Variants in UNC5C observed in about 807,000 individuals in gnomAD.
UNC5C encodes the protein netrin receptor UNC5C.
In UNC5C, 47 loss-of-function variants were observed where a neutral mutation model predicts 99.8. That is an observed-to-expected ratio of 0.47 (90% CI 0.37 to 0.60). UNC5C has a LOEUF of 0.60. Among genes scored for constraint, UNC5C ranks in the 20% least tolerant of loss-of-function variants. The pLI, the probability that UNC5C is intolerant of heterozygous loss-of-function variation, is 0.00. For synonymous variants in UNC5C, 487 were observed against 452.2 expected (o/e 1.08, Z -0.98); for missense variants, 1,062 against 1,165.9 (o/e 0.91, Z 1.30).
At chr4:95,276,473 A>G (rs1045188299) in intron 4 of UNC5C, among the ~76,000 whole-genome samples, 16 of 152,164 alleles carry the variant, frequency 1.1e-4, no homozygotes, top group Admixed American at 7.2e-4. Flanking sequence ...GACTGAAAAA[A>G]ATGAAGAAAT....
intron 1 of UNC5C, among the ~76,000 whole-genome samples, chr4:95,414,477 G>A (rs1746101246): frequency 6.6e-6 from 1 of 152,142 alleles, no homozygotes; most frequent in Admixed American, 6.5e-5. Context: ...GCAATGGGAG[G>A]TCTTACCTGA....
intron 14 of UNC5C, among the ~76,000 whole-genome samples, chr4:95,171,006 T>C (rs909157422): frequency 6.6e-6 from 1 of 152,230 alleles, no homozygotes; most frequent in African/African-American, 2.4e-5. Context: ...AATCTAATTT[T>C]AGTAGAGAAA....
chr4:95,448,980 C>T (rs1018511494), intron 1 of UNC5C, among the ~76,000 whole-genome samples: 3 of 152,210 alleles, frequency 2.0e-5, no homozygotes, highest in South Asian at 4.2e-4. Context: ...TCCAAGGCTA[C>T]GCCAGGTAAG....
chr4:95,525,873 C>A (rs543985345), intron 1 of UNC5C, among the ~76,000 whole-genome samples: 2 of 152,076 alleles, frequency 1.3e-5, no homozygotes, highest in African/African-American at 4.8e-5. Flanking sequence ...GTCTTGTTCC[C>A]GGTTTAACAA....
rs111321961 is a variant in UNC5C, at chr4:95,331,841, T to C, written c.346+3569A>G. On this transcript the variant is annotated intron_variant, in intron 2 of 15. Coordinates refer to ENST00000453304, the MANE Select transcript of UNC5C (RefSeq NM_003728.4). ...ACATAGCATGAAATTGTTATAAGCG[T>C]TCGATATTAGAATAGTTTCATTTCT... Among the ~76,000 whole-genome samples the C allele has an allele frequency of 3.4e-3, 512 of 152,184 alleles. 4 individuals are homozygous for C. The highest frequency in any genetic ancestry group is 0.012 in the African/African-American group (479 of 41,550).
At chr4:95,437,284 G>A (rs777170516) in intron 1 of UNC5C, among the ~76,000 whole-genome samples, 74 of 151,654 alleles carry the variant, frequency 4.9e-4, no homozygotes, top group South Asian at 8.3e-4. Flanking sequence ...AGATAGTCCT[G>A]AATATTGAAT....
At chr4:95,199,346 A>ATGT (rs1737560641) in intron 12 of UNC5C, among the ~76,000 whole-genome samples, 1 of 152,164 alleles carries the variant, frequency 6.6e-6, no homozygotes, top group African/African-American at 2.4e-5. Flanking sequence ...TCTCTTCGGT[A>ATGT]TGTTGGAGAG....
intron 4 of UNC5C, among the ~76,000 whole-genome samples, chr4:95,266,230 TC>T (rs1740442520): frequency 6.6e-6 from 1 of 152,172 alleles, no homozygotes; most frequent in South Asian, 2.1e-4. Context: ...ACAGCCTCAA[TC>T]CCTGCTAGTG....
chr4:95,237,951 A>G (rs1041745518), intron 7 of UNC5C, among the ~76,000 whole-genome samples: 1 of 152,140 alleles, frequency 6.6e-6, no homozygotes, highest in Admixed American at 6.5e-5. Flanking sequence ...CTGAGGCAGG[A>G]GAATCACTTG....
At chr4:95,202,188 C>T (rs1220543643) in intron 12 of UNC5C, among the ~76,000 whole-genome samples, 1 of 152,158 alleles carries the variant, frequency 6.6e-6, no homozygotes, top group Non-Finnish European at 1.5e-5. Flanking sequence ...ATCATAAGTT[C>T]TTCAAAGGCA....
intron 15 of UNC5C, 102 bp downstream of exon 15, chr4:95,170,052 T>C: frequency 7.0e-7 from 1 of 1,435,570 alleles, no homozygotes; most frequent in Non-Finnish European, 9.4e-7. Flanking sequence ...TAAATAGATG[T>C]GTGGATGGAA....
chr4:95,459,787 T>C (rs116500341), intron 1 of UNC5C, among the ~76,000 whole-genome samples: 1 of 152,154 alleles, frequency 6.6e-6, no homozygotes, highest in African/African-American at 2.4e-5. Context: ...AGAATTTCCC[T>C]AAAAGGCTCT....
At chr4:95,423,549 C>T (rs186106165) in intron 1 of UNC5C, among the ~76,000 whole-genome samples, 60 of 152,306 alleles carry the variant, frequency 3.9e-4, no homozygotes, top group Non-Finnish European at 7.6e-4. Flanking sequence ...AAAAAGTTCC[C>T]ATGGTATTCT....
intron 1 of UNC5C, among the ~76,000 whole-genome samples, chr4:95,521,401 A>G (rs1388929525): frequency 6.6e-6 from 1 of 151,530 alleles, no homozygotes; most frequent in Non-Finnish European, 1.5e-5. Flanking sequence ...TATTTTTAGT[A>G]GAGACGGGGT....
chr4:95,244,242 G>A (rs887635210), intron 6 of UNC5C, among the ~76,000 whole-genome samples: 1 of 152,136 alleles, frequency 6.6e-6, no homozygotes, highest in Non-Finnish European at 1.5e-5. Context: ...CTTAGCTTTG[G>A]AATATATTGT....
chr4:95,423,356 C>T (rs932754004), intron 1 of UNC5C, among the ~76,000 whole-genome samples: 4 of 152,206 alleles, frequency 2.6e-5, no homozygotes, highest in South Asian at 2.1e-4. Context: ...CTGGCTGTTT[C>T]TGTATGGCAG....
intron 4 of UNC5C, among the ~76,000 whole-genome samples, chr4:95,272,088 C>G (rs1269804800): frequency 6.6e-6 from 1 of 152,212 alleles, no homozygotes; most frequent in Admixed American, 6.5e-5. Flanking sequence ...TAAAGTCATC[C>G]GCAATCCCCA....
At chr4:95,478,589 G>C (rs1414170354) in intron 1 of UNC5C, among the ~76,000 whole-genome samples, 1 of 151,950 alleles carries the variant, frequency 6.6e-6, no homozygotes, top group African/African-American at 2.4e-5. Flanking sequence ...TGACACTGAT[G>C]TGTATGTATC....
At chr4:95,223,201 G>A (rs1026708965) in intron 7 of UNC5C, among the ~76,000 whole-genome samples, 17 of 152,132 alleles carry the variant, frequency 1.1e-4, no homozygotes, top group African/African-American at 3.9e-4. Context: ...CCTATGGAAA[G>A]TTTTAAAGTA....
Sources: gnomAD v4.1 joint callset for allele counts (sites outside exome capture counted in the v4.1 genomes callset) on GRCh38, gnomAD v4.1.1 for gene constraint, MANE v1.5 for transcripts, NCBI Gene and HGNC (gene_info 2026-07-23, HGNC 2026-07-21) for gene names.